CDH20: variants seen among roughly 807,000 people sequenced by gnomAD.
CDH20 encodes the protein cadherin-20.
In CDH20, 29 loss-of-function variants were observed where a neutral mutation model predicts 74.2. The ratio of observed to expected loss-of-function variants is 0.39; its 90% CI spans 0.29 to 0.53. The LOEUF (loss-of-function observed/expected upper bound fraction) is 0.53. Among genes scored for constraint, CDH20 ranks in the 20% least tolerant of loss-of-function variants. The probability of loss-of-function intolerance (pLI) is 0.69; values close to 1 mark genes in which losing one functional copy is unlikely to be tolerated. For synonymous variants in CDH20, 469 were observed against 405.4 expected, an observed-to-expected ratio of 1.16 and a Z score of -1.88; for missense variants, 988 against 1,048.3, an observed-to-expected ratio of 0.94 and a Z score of 0.79.
chr18:61,519,811 A>G (rs1912127900), intron 6 of CDH20, among the ~76,000 whole-genome samples: 1 of 151,110 alleles, frequency 6.6e-6, no homozygotes, highest in Admixed American at 6.6e-5. Context: ...GCCCCAATTA[A>G]AAGACACAGA....
intron 1 of CDH20, among the ~76,000 whole-genome samples, chr18:61,367,632 C>T (rs1428693252): frequency 1.3e-5 from 2 of 152,176 alleles, no homozygotes; most frequent in African/African-American, 4.8e-5. Context: ...TCAAGTCTTT[C>T]TCACCTTGAA....
chr18:61,535,357 C>T (rs983969948), intron 7 of CDH20, among the ~76,000 whole-genome samples: 1 of 152,066 alleles, frequency 6.6e-6, no homozygotes, highest in Non-Finnish European at 1.5e-5. Flanking sequence ...ATAAAAATTA[C>T]TTGGCCTTTA....
rs564675814 is a variant in CDH20 at position 61,409,285 on chromosome 18, G to A, written c.-153+75458G>A. On this transcript the variant is annotated intron_variant, in intron 1 of 11. Coordinates refer to ENST00000262717, the MANE Select transcript of CDH20 (RefSeq NM_031891.4). Reference sequence around the variant, plus strand: ...CACAGTGCTTCTGTGCCCCCACCCCGCATCCTCATCTCCAGTTTTCCAGAG... The same window carrying A: ...CACAGTGCTTCTGTGCCCCCACCCCACATCCTCATCTCCAGTTTTCCAGAG... Among the ~76,000 whole-genome samples, 291 of 152,146 alleles carry A rather than the reference G, an allele frequency of 1.9e-3. 3 individuals are homozygous for A. Among genetic ancestry groups the A allele is most frequent in the Non-Finnish European group, 2.6e-4 (18 of 67,992 alleles).
At chr18:61,538,625 GTTTTTT>G (rs1415668565) in intron 8 of CDH20, among the ~76,000 whole-genome samples, 1 of 53,760 alleles carries the variant, frequency 1.9e-5, no homozygotes, top group African/African-American at 5.5e-5. Context: ...TTTTTGTTTT[GTTTTTT>G]TTTTTGAGAC....
chr18:61,536,474 G>A lies in CDH20; in HGVS notation c.1272-19G>A, dbSNP rs62097360. On this transcript the variant is annotated intron_variant, in intron 7 of 11. Transcript: ENST00000262717. ...GCTTACCCAAATGCAAATGATGTAC[G>A]TAATCCATGTTTCTGCAGATACTCC... 255,742 of 1,609,018 alleles carry A rather than the reference G, an allele frequency of 0.16. 22,008 individuals are homozygous for A. The highest frequency in any genetic ancestry group is 0.18 in the Middle Eastern group (1,084 of 6,054).
At chr18:61,545,337 G>A (rs1913207929) in intron 10 of CDH20, among the ~76,000 whole-genome samples, 193 bp downstream of exon 10, 1 of 150,232 alleles carries the variant, frequency 6.7e-6, no homozygotes, top group Non-Finnish European at 1.5e-5. Context: ...TGAACTCTTG[G>A]CTTCAAGCAG....
At chr18:61,359,814 T>C (rs1350862173) in intron 1 of CDH20, among the ~76,000 whole-genome samples, 2 of 152,232 alleles carry the variant, frequency 1.3e-5, no homozygotes, top group Non-Finnish European at 1.5e-5. Context: ...GAGTCATCCA[T>C]AATTACAGCT....
intron 1 of CDH20, among the ~76,000 whole-genome samples, chr18:61,378,278 A>G (rs778788916): frequency 2.0e-5 from 3 of 152,198 alleles, no homozygotes; most frequent in Non-Finnish European, 4.4e-5. Flanking sequence ...CCAATGGTAG[A>G]CGTGTATCTG....
At chr18:61,518,434 C>T (rs1236274787) in intron 6 of CDH20, among the ~76,000 whole-genome samples, 1 of 143,950 alleles carries the variant, frequency 6.9e-6, no homozygotes, top group Non-Finnish European at 1.5e-5. Flanking sequence ...AGGCAGCAAT[C>T]TTTGCTGTTC....
At chr18:61,548,126 G>A (rs1248360708) in intron 10 of CDH20, among the ~76,000 whole-genome samples, 2 of 152,216 alleles carry the variant, frequency 1.3e-5, no homozygotes, top group African/African-American at 2.4e-5. Flanking sequence ...ACAGAAAGGT[G>A]CACGGGTTGT....
At chr18:61,497,227 T>C (rs1008457455) in intron 2 of CDH20, among the ~76,000 whole-genome samples, 3 of 152,106 alleles carry the variant, frequency 2.0e-5, no homozygotes, top group Admixed American at 2.0e-4. Context: ...TCAATTTTAT[T>C]CCCTTATTTC....
intron 1 of CDH20, among the ~76,000 whole-genome samples, chr18:61,485,952 A>C (rs1395752038): frequency 6.6e-6 from 1 of 152,166 alleles, no homozygotes; most frequent in African/African-American, 2.4e-5. Flanking sequence ...GGGCACCTGC[A>C]GTCCCAGCTA....
intron 1 of CDH20, among the ~76,000 whole-genome samples, chr18:61,364,395 C>T (rs1219434216): frequency 1.3e-5 from 2 of 152,132 alleles, no homozygotes; most frequent in Admixed American, 6.5e-5. Context: ...TCACCACAAC[C>T]TCCACCTCCC....
intron 1 of CDH20, among the ~76,000 whole-genome samples, chr18:61,371,564 T>C (rs1417254784): frequency 6.6e-6 from 1 of 151,998 alleles, no homozygotes; most frequent in Non-Finnish European, 1.5e-5. Flanking sequence ...TAAATAAAAC[T>C]AAAGAGAAAA....
chr18:61,550,754 C>T (rs945260410), intron 11 of CDH20, among the ~76,000 whole-genome samples: 2 of 152,180 alleles, frequency 1.3e-5, no homozygotes, highest in African/African-American at 2.4e-5. Flanking sequence ...CCTAAATGCT[C>T]ATCCCGATTC....
intron 6 of CDH20, among the ~76,000 whole-genome samples, chr18:61,520,142 C>T (rs1912145989): frequency 6.7e-6 from 1 of 149,652 alleles, no homozygotes; most frequent in African/African-American, 2.5e-5. Flanking sequence ...CGATGAAACC[C>T]CATCTCTACT....
chr18:61,396,875 C>T (rs1911998465), intron 1 of CDH20, among the ~76,000 whole-genome samples: 1 of 152,204 alleles, frequency 6.6e-6, no homozygotes, highest in Admixed American at 6.5e-5. Context: ...TAAGACATTG[C>T]TGAGGGCATT....
intron 1 of CDH20, among the ~76,000 whole-genome samples, chr18:61,389,523 T>C (rs1020230975): frequency 6.6e-6 from 1 of 152,210 alleles, no homozygotes; most frequent in Admixed American, 6.5e-5. Context: ...TGTATACTTA[T>C]TCAATAAATA....
chr18:61,387,219 G>A (rs1314022879), intron 1 of CDH20, among the ~76,000 whole-genome samples: 1 of 152,162 alleles, frequency 6.6e-6, no homozygotes, highest in African/African-American at 2.4e-5. Context: ...ATGTGGTCCT[G>A]ATGGCAAGCA....
Sources: gnomAD v4.1 joint callset for allele counts (sites outside exome capture counted in the v4.1 genomes callset) on GRCh38, gnomAD v4.1.1 for gene constraint, MANE v1.5 for transcripts, NCBI Gene and HGNC (gene_info 2026-07-23, HGNC 2026-07-21) for gene names.